The following CFAP52 variants were observed in gnomAD, a reference collection of about 807,000 sequenced individuals.
CFAP52 encodes cilia and flagella associated protein 52, also known as cilia- and flagella-associated protein 52.
In CFAP52, 57 loss-of-function variants were observed where a neutral mutation model predicts 70.5. The ratio of observed to expected loss-of-function variants is 0.81; its 90% CI spans 0.65 to 1.01. The LOEUF (loss-of-function observed/expected upper bound fraction) is 1.01, where lower values mean the gene tolerates loss of function less well. Among genes scored for constraint, CFAP52 ranks in the 50% least tolerant of loss-of-function variants. The pLI is 0.00. For synonymous variants in CFAP52, 267 were observed against 292.5 expected, an observed-to-expected ratio of 0.91 and a Z score of 0.89; for missense variants, 785 against 788.5, an observed-to-expected ratio of 1.00 and a Z score of 0.05.
rs748988202 is a variant in CFAP52 at position 9,594,241 on chromosome 17, T to C, written c.456T>C (p.Pro152=). Reference sequence around the variant, plus strand: ...AGAGAGATGCCATCTGTGGCAGCCCTGCAGCCGGCCTCAATGTTGGCAATG... The same window carrying C: ...AGAGAGATGCCATCTGTGGCAGCCCCGCAGCCGGCCTCAATGTTGGCAATG... ...IAKRDAICGS[P]AAGLNVGNAT... The change falls in exon 4 of 14, where the codon CCT becomes CCC. Residue 152 remains proline, a synonymous_variant. Transcript: ENST00000352665. The C allele has an allele frequency of 6.2e-7, 1 of 1,614,014 alleles. No individual in the cohort carries two copies. Among genetic ancestry groups the C allele is most frequent in the Non-Finnish European group, 8.5e-7 (1 of 1,179,958 alleles).
chr17:9,621,091 C>T (rs1310974403), intron 8 of CFAP52, among the ~76,000 whole-genome samples: 2 of 64,598 alleles, frequency 3.1e-5, no homozygotes, highest in African/African-American at 1.5e-4. Context: ...AGAAAATTTT[C>T]GCAGCCTACT....
intron 3 of CFAP52, 100 bp from the exon 4 acceptor site, chr17:9,594,093 T>C (rs1908886811): frequency 6.9e-7 from 1 of 1,447,880 alleles, no homozygotes; most frequent in Non-Finnish European, 9.1e-7. Context: ...AGTAACCTGT[T>C]GTGTTTTTTT....
At chr17:9,576,858 A>C in intron 1 of CFAP52, 93 bp downstream of exon 1, 1 of 1,362,436 alleles carries the variant, frequency 7.3e-7, no homozygotes, top group Non-Finnish European at 1.0e-6. Context: ...GACACCTGAA[A>C]GGCAGTGTGG....
intron 12 of CFAP52, chr17:9,639,029 G>A (rs1567638166): frequency 7.0e-6 from 2 of 283,840 alleles, no homozygotes; most frequent in Non-Finnish European, 6.7e-6. Flanking sequence ...TTCTGAGACT[G>A]GAGTAGAATT....
chr17:9,638,768 C>CGTT, intron 12 of CFAP52, 57 bp downstream of exon 12: 1 of 1,561,294 alleles, frequency 6.4e-7, no homozygotes, highest in South Asian at 1.1e-5. Flanking sequence ...AGCAGTGAGG[C>CGTT]GTTGTGGTGG....
chr17:9,586,571 A>G (rs1169903280), intron 2 of CFAP52, 127 bp from the exon 3 acceptor site: 56 of 596,522 alleles, frequency 9.4e-5, no homozygotes, highest in Non-Finnish European at 1.3e-4. Context: ...GTCTCAACAA[A>G]AAAAAAAAAA....
intron 11 of CFAP52, among the ~76,000 whole-genome samples, chr17:9,637,910 C>A (rs866380648): frequency 2.0e-5 from 3 of 151,856 alleles, no homozygotes; most frequent in Non-Finnish European, 4.4e-5. Flanking sequence ...CTTCCCAGGC[C>A]GGGCTCTCTT....
rs1204729133 is a variant in CFAP52 at position 9,585,757 on chromosome 17, A to G, written c.71-16A>G. 2 of 1,613,210 alleles carry G rather than the reference A, an allele frequency of 1.2e-6. No homozygotes were observed. The highest frequency in any genetic ancestry group is 1.7e-6 in the Non-Finnish European group (2 of 1,179,466). On this transcript the variant is annotated splice_polypyrimidine_tract_variant and intron_variant, in intron 1 of 13. Transcript: ENST00000352665. ...TCTGCACCTGATTATTATTACTGTG[A>G]ATCTCTCTCTTTTAGGACATGTGCC...
At chr17:9,641,328 G>T (rs1233648750) in intron 12 of CFAP52, among the ~76,000 whole-genome samples, 1 of 152,142 alleles carries the variant, frequency 6.6e-6, no homozygotes, top group African/African-American at 2.4e-5. Context: ...CTAGAACTCT[G>T]GGGAGTGGGG....
intron 11 of CFAP52, among the ~76,000 whole-genome samples, chr17:9,636,644 C>T (rs560405723): frequency 3.3e-5 from 5 of 152,042 alleles, no homozygotes; most frequent in African/African-American, 7.2e-5. Flanking sequence ...TCACTGCATA[C>T]GAGAGACGAG....
intron 5 of CFAP52, among the ~76,000 whole-genome samples, chr17:9,599,191 A>T (rs928297381): frequency 2.6e-5 from 4 of 152,188 alleles, no homozygotes; most frequent in Non-Finnish European, 4.4e-5. Flanking sequence ...TCTAATCTGA[A>T]AATTCAAAAT....
chr17:9,581,446 A>G (rs1158752564), intron 1 of CFAP52, among the ~76,000 whole-genome samples: 1 of 152,196 alleles, frequency 6.6e-6, no homozygotes, highest in Non-Finnish European at 1.5e-5. Flanking sequence ...AGATATATTA[A>G]GTATAAAATG....
intron 3 of CFAP52, chr17:9,590,403 T>C (rs1048178734): frequency 5.4e-5 from 11 of 204,578 alleles, no homozygotes; most frequent in East Asian, 1.1e-4. Context: ...ACTGGTCTCA[T>C]TGGGGTCCAA....
Position 9,612,314 on chromosome 17 carries a change from T to C in CFAP52, c.860T>C (p.Ile287Thr), listed in dbSNP as rs376661862. 5 of 1,613,786 alleles carry C rather than the reference T, an allele frequency of 3.1e-6. No individual in the cohort carries two copies. Among genetic ancestry groups the C allele is most frequent in the Middle Eastern group, 1.6e-4 (1 of 6,084 alleles). Reference sequence around the variant, plus strand: ...TTTTGTGCTTCTCCCTAAAGGAAGATTCAGTTACAAGGCGGCATCACTTCT... The same window carrying C: ...TTTTGTGCTTCTCCCTAAAGGAAGACTCAGTTACAAGGCGGCATCACTTCT... ...KSPGYKPIKK[I>T]QLQGGITSIT... is the part of the protein sequence containing the mutation. The change falls in exon 8 of 14, where the codon ATT becomes ACT. Residue 287 changes from isoleucine to threonine, a missense_variant. Transcript: ENST00000352665.
downstream of CFAP52, among the ~76,000 whole-genome samples, chr17:9,643,738 G>A (rs966586069): frequency 3.9e-5 from 6 of 152,208 alleles, no homozygotes; most frequent in African/African-American, 1.4e-4. Flanking sequence ...TAAAGCATCG[G>A]CAGAATTCCT....
In CFAP52 at chr17:9,631,006, GAA is replaced by G. The variant is rs1428426933; in HGVS notation, c.1175-1880_1175-1879del. On this transcript the variant is annotated intron_variant, in intron 9 of 13. Coordinates refer to ENST00000352665, the MANE Select transcript of CFAP52 (RefSeq NM_145054.5). ...ATCTCAAAAAAAAGAAAGAAAGAAA[GAA>G]AGAAAGAAAGAAAGAAAGAAAGAGA... 1.2e-4 allele frequency among the ~76,000 whole-genome samples: 6 copies of G among 50,100 alleles called. No homozygotes were observed. The South Asian group carries it at 6.0e-3, about 50-fold the overall frequency. The allele number at this position is 50,100 out of a possible 152,430, so 32.9% of individuals were successfully genotyped here.
chr17:9,602,241 A>G (rs1187695233), intron 6 of CFAP52, among the ~76,000 whole-genome samples: 1 of 152,134 alleles, frequency 6.6e-6, no homozygotes, highest in East Asian at 1.9e-4. Context: ...CCCGTCGTCT[A>G]CATTAAGTAT....
At chr17:9,628,188 G>C (rs1238410081) in intron 8 of CFAP52, among the ~76,000 whole-genome samples, 2 of 152,108 alleles carry the variant, frequency 1.3e-5, no homozygotes, top group African/African-American at 4.8e-5. Context: ...CAGATGATTA[G>C]AGGGCATTAA....
intron 8 of CFAP52, among the ~76,000 whole-genome samples, chr17:9,623,215 T>C: frequency 6.6e-6 from 1 of 152,200 alleles, no homozygotes; most frequent in East Asian, 1.9e-4. Flanking sequence ...TTCTCTTTGA[T>C]TTGAAGTAAC....
Sources: gnomAD v4.1 joint callset for allele counts (sites outside exome capture counted in the v4.1 genomes callset) on GRCh38, gnomAD v4.1.1 for gene constraint, MANE v1.5 for transcripts, NCBI Gene and HGNC (gene_info 2026-07-23, HGNC 2026-07-21) for gene names.